SOX5: variants seen among roughly 807,000 people sequenced by gnomAD.
SOX5 encodes transcription factor SOX-5.
A neutral mutation model predicts 92.0 loss-of-function variants in SOX5; 9 were observed. That is an observed-to-expected ratio of 0.10 (90% confidence interval 0.06 to 0.17). The LOEUF is 0.17. SOX5 is among the 10% of genes least tolerant of loss of function. The pLI, the probability that SOX5 is intolerant of heterozygous loss-of-function variation, is 1.00. For missense variants in SOX5, 642 were observed against 944.5 expected (o/e 0.68, Z 4.20); for synonymous variants, 344 against 336.3 (o/e 1.02, Z -0.25).
At chr12:23,884,479 C>T (rs1294776739) in intron 2 of SOX5, among the ~76,000 whole-genome samples, 1 of 152,046 alleles carries the variant, frequency 6.6e-6, no homozygotes, top group Admixed American at 6.6e-5. Flanking sequence ...ATTCCTGGCC[C>T]ATTTAAAGCC....
At chr12:23,650,407 T>TA (rs1390547578) in intron 7 of SOX5, among the ~76,000 whole-genome samples, 1 of 152,148 alleles carries the variant, frequency 6.6e-6, no homozygotes, top group Non-Finnish European at 1.5e-5. Flanking sequence ...GCATTGCTCC[T>TA]ATTAAAAACC....
At chr12:24,287,678 T>A (rs1946068266) in intron 2 of SOX5, among the ~76,000 whole-genome samples, 1 of 142,342 alleles carries the variant, frequency 7.0e-6, no homozygotes, top group Non-Finnish European at 1.5e-5. Flanking sequence ...TCAAAAAAAT[T>A]CTTAAAATCA....
chr12:23,644,161 A>G (rs2080514114), intron 7 of SOX5, among the ~76,000 whole-genome samples: 1 of 152,202 alleles, frequency 6.6e-6, no homozygotes, highest in African/African-American at 2.4e-5. Flanking sequence ...CCTCTGTTGG[A>G]GCAAGCCGCT....
intron 1 of SOX5, among the ~76,000 whole-genome samples, chr12:24,423,834 A>G (rs1455532792): frequency 6.6e-6 from 1 of 152,142 alleles, no homozygotes; most frequent in Non-Finnish European, 1.5e-5. Flanking sequence ...GAGGTGTCCT[A>G]GGAGGTCTGC....
intron 6 of SOX5, among the ~76,000 whole-genome samples, chr12:23,680,970 G>A (rs1029265510): frequency 2.6e-5 from 4 of 152,156 alleles, no homozygotes; most frequent in African/African-American, 9.6e-5. Context: ...ATGTGTTTCA[G>A]AAACAAGAAA....
At chr12:24,049,629 T>A (rs1385768428) in intron 4 of SOX5, among the ~76,000 whole-genome samples, 1 of 143,026 alleles carries the variant, frequency 7.0e-6, no homozygotes, top group Admixed American at 7.5e-5. Context: ...TATTTTCCAA[T>A]CCTTCATAGT....
At position 24,344,128 on chromosome 12, in the gene SOX5, C is replaced by T. The variant is rs561403626; in HGVS notation, c.-174+24435G>A. Among the ~76,000 whole-genome samples the T allele has an allele frequency of 2.6e-5, 4 of 151,804 alleles. No homozygotes were observed. The South Asian group carries it at 8.3e-4, about 32-fold the overall frequency. On this transcript the variant is annotated intron_variant, in intron 2 of 4. Transcript: ENST00000446891. Reference sequence around the variant, plus strand: ...TGAAACCCCGTCTCTACTAAAAATACAAAAATTAGTTGGGCGTGGTGGGAC... The same window carrying T: ...TGAAACCCCGTCTCTACTAAAAATATAAAAATTAGTTGGGCGTGGTGGGAC...
intron 3 of SOX5, among the ~76,000 whole-genome samples, chr12:24,253,270 CTT>C (rs61584024): frequency 2.4e-3 from 325 of 137,420 alleles, no homozygotes; most frequent in African/African-American, 7.7e-3. Context: ...ACGTGCACAT[CTT>C]TTTTTTTTTT....
chr12:23,782,957 C>A (rs2095311333), intron 3 of SOX5, among the ~76,000 whole-genome samples: 2 of 151,830 alleles, frequency 1.3e-5, no homozygotes, highest in Non-Finnish European at 2.9e-5. Context: ...TCTGTAAGGC[C>A]CTTTGAGAGC....
At chr12:23,956,455 C>A (rs780032235) in intron 4 of SOX5, among the ~76,000 whole-genome samples, 1 of 152,114 alleles carries the variant, frequency 6.6e-6, no homozygotes, top group Non-Finnish European at 1.5e-5. Flanking sequence ...TTATTGTGAA[C>A]TGTGCATGTG....
chr12:24,276,027 T>G (rs1224672280), intron 3 of SOX5, among the ~76,000 whole-genome samples: 1 of 152,146 alleles, frequency 6.6e-6, no homozygotes, highest in Admixed American at 6.6e-5. Flanking sequence ...TTCTTATAAC[T>G]GCTCTTTACA....
intron 11 of SOX5, among the ~76,000 whole-genome samples, chr12:23,553,032 T>C (rs1565755152): frequency 6.6e-6 from 1 of 151,996 alleles, no homozygotes; most frequent in Non-Finnish European, 1.5e-5. Context: ...TCCACTGAAG[T>C]CTCTTTTTCA....
At chr12:24,122,886 A>G (rs1948768741) in intron 4 of SOX5, among the ~76,000 whole-genome samples, 1 of 152,232 alleles carries the variant, frequency 6.6e-6, no homozygotes, top group Admixed American at 6.5e-5. Flanking sequence ...ACTTGAAGTA[A>G]TGTGATGTTT....
At chr12:24,049,040 T>C (rs748984393) in intron 4 of SOX5, among the ~76,000 whole-genome samples, 4 of 152,098 alleles carry the variant, frequency 2.6e-5, no homozygotes, top group Non-Finnish European at 5.9e-5. Context: ...GATGTCCTAA[T>C]AAAGTTATTG....
chr12:24,472,186 T>C (rs1382543111), intron 1 of SOX5, among the ~76,000 whole-genome samples: 1 of 152,178 alleles, frequency 6.6e-6, no homozygotes, highest in Non-Finnish European at 1.5e-5. Context: ...CTCAGACAGA[T>C]AAGCAAAGTG....
chr12:23,797,687 A>C (rs1414616934), intron 3 of SOX5, among the ~76,000 whole-genome samples: 1 of 152,036 alleles, frequency 6.6e-6, no homozygotes, highest in African/African-American at 2.4e-5. Flanking sequence ...GAAGTCTGAA[A>C]TTATAAGAAA....
At chr12:24,038,277 T>C (rs1310739967) in intron 4 of SOX5, among the ~76,000 whole-genome samples, 1 of 152,140 alleles carries the variant, frequency 6.6e-6, no homozygotes, top group African/African-American at 2.4e-5. Context: ...GGATGTGGAA[T>C]TCACTGGCCC....
At chr12:23,943,729 C>T (rs761627438) in intron 1 of SOX5, among the ~76,000 whole-genome samples, 1 of 151,982 alleles carries the variant, frequency 6.6e-6, no homozygotes, top group Admixed American at 6.6e-5. Flanking sequence ...TACAATGAGC[C>T]GAGTTCAGGT....
chr12:24,095,907 G>T (rs966681875), intron 4 of SOX5, among the ~76,000 whole-genome samples: 1 of 152,068 alleles, frequency 6.6e-6, no homozygotes, highest in African/African-American at 2.4e-5. Flanking sequence ...GGCCTCCTCA[G>T]CCATGCTGAA....
Sources: allele counts gnomAD v4.1 joint callset (sites outside exome capture counted in the v4.1 genomes callset), GRCh38; gene constraint gnomAD v4.1.1; transcripts MANE v1.5; gene names NCBI Gene and HGNC (gene_info 2026-07-23, HGNC 2026-07-21).